Variants in ARHGAP42 observed in about 807,000 individuals in gnomAD.
ARHGAP42 encodes rho GTPase-activating protein 42.
A neutral mutation model predicts 125.0 loss-of-function variants in ARHGAP42; 63 were observed. That is an observed-to-expected ratio of 0.50 (90% CI 0.41 to 0.62). The LOEUF (loss-of-function observed/expected upper bound fraction) is 0.62. Ranked by LOEUF, ARHGAP42 falls within the 20% of genes least tolerant of loss-of-function variation. The pLI, the probability that ARHGAP42 is intolerant of heterozygous loss-of-function variation, is 0.00. For missense variants in ARHGAP42, 766 were observed against 1,024.2 expected (o/e 0.75, Z 3.44); for synonymous variants, 339 against 351.0 (o/e 0.97, Z 0.38).
chr11:100,934,314 G>A (rs1197620138), intron 7 of ARHGAP42, among the ~76,000 whole-genome samples: 3 of 151,734 alleles, frequency 2.0e-5, no homozygotes, highest in African/African-American at 4.8e-5. Context: ...GGGTGTTCAC[G>A]CATGTGTGTG....
Position 100,965,653 on chromosome 11 carries a change from A to G in ARHGAP42, c.1445-18A>G, listed in dbSNP as rs1858072017. On this transcript the variant is annotated intron_variant, in intron 16 of 23. Coordinates refer to ENST00000298815, the MANE Select transcript of ARHGAP42 (RefSeq NM_152432.4). ...TGGAATTAAAACTTGAGCATTTGCA[A>G]TCTTTTTTATGTAACAGAATCTGAT... 4.5e-6 allele frequency: 7 copies of G among 1,544,302 alleles called. No individual in the cohort carries two copies. Among genetic ancestry groups the G allele is most frequent in the East Asian group, 2.4e-5 (1 of 40,890 alleles).
intron 4 of ARHGAP42, among the ~76,000 whole-genome samples, chr11:100,906,710 T>C (rs189562192): frequency 2.0e-5 from 3 of 152,306 alleles, no homozygotes; most frequent in African/African-American, 7.2e-5. Flanking sequence ...GTTTTAAAAC[T>C]CTGTTTTCTG....
chr11:100,741,222 G>A (rs1300023777), intron 1 of ARHGAP42, among the ~76,000 whole-genome samples: 1 of 152,034 alleles, frequency 6.6e-6, no homozygotes, highest in African/African-American at 2.4e-5. Flanking sequence ...GTACAGACGG[G>A]GTTTCACCAT....
chr11:100,917,520 C>A (rs967349921), intron 5 of ARHGAP42, among the ~76,000 whole-genome samples: 3 of 152,064 alleles, frequency 2.0e-5, no homozygotes, highest in African/African-American at 7.2e-5. Context: ...TTTGCTCCTA[C>A]CTCTCATTTT....
chr11:100,755,708 T>C (rs531097998), intron 1 of ARHGAP42, among the ~76,000 whole-genome samples: 4 of 152,286 alleles, frequency 2.6e-5, no homozygotes, highest in South Asian at 4.1e-4. Flanking sequence ...GTTGAAGATA[T>C]CAGGTTGAAG....
intron 1 of ARHGAP42, among the ~76,000 whole-genome samples, chr11:100,722,069 G>GT (rs1338447253): frequency 2.1e-4 from 32 of 152,320 alleles, no homozygotes; most frequent in African/African-American, 7.7e-4. Flanking sequence ...TAAGCAATGA[G>GT]TAAGAGTTCC....
chr11:100,917,912 C>G (rs926050987), intron 5 of ARHGAP42, among the ~76,000 whole-genome samples: 1 of 152,074 alleles, frequency 6.6e-6, no homozygotes, highest in Non-Finnish European at 1.5e-5. Flanking sequence ...TTGGCTTTTT[C>G]CTTGCTTCTC....
intron 4 of ARHGAP42, among the ~76,000 whole-genome samples, chr11:100,892,083 A>T (rs1028796869): frequency 9.2e-5 from 14 of 152,314 alleles, no homozygotes; most frequent in African/African-American, 3.4e-4. Flanking sequence ...AAAGACATGG[A>T]ACTGCTACAT....
At chr11:100,897,547 G>T (rs914842500) in intron 4 of ARHGAP42, among the ~76,000 whole-genome samples, 4 of 152,030 alleles carry the variant, frequency 2.6e-5, no homozygotes, top group African/African-American at 7.2e-5. Flanking sequence ...CCTTGAAGAG[G>T]TCCTTCACAT....
At chr11:100,965,984 AAAT>A (rs1386130982) in intron 17 of ARHGAP42, among the ~76,000 whole-genome samples, 3 of 152,194 alleles carry the variant, frequency 2.0e-5, no homozygotes, top group African/African-American at 7.2e-5. Flanking sequence ...ATAATTATGC[AAAT>A]AATTATATCC....
intron 1 of ARHGAP42, among the ~76,000 whole-genome samples, chr11:100,740,962 A>G (rs188033273): frequency 6.6e-6 from 1 of 152,332 alleles, no homozygotes; most frequent in Admixed American, 6.5e-5. Flanking sequence ...GGGAAAGCAG[A>G]CAGATTTATT....
intron 19 of ARHGAP42, among the ~76,000 whole-genome samples, 199 bp downstream of exon 19, chr11:100,974,802 G>A (rs575773319): frequency 3.3e-5 from 5 of 151,818 alleles, no homozygotes; most frequent in Non-Finnish European, 7.4e-5. Flanking sequence ...GATACAAAAA[G>A]GAAAAAAAGA....
chr11:100,982,135 G>A (rs1462238719), intron 22 of ARHGAP42, among the ~76,000 whole-genome samples: 1 of 152,168 alleles, frequency 6.6e-6, no homozygotes, highest in Non-Finnish European at 1.5e-5. Context: ...TTGGGGAATG[G>A]TTTTATTTAA....
intron 2 of ARHGAP42, among the ~76,000 whole-genome samples, chr11:100,793,719 G>T (rs765186651): frequency 8.6e-4 from 131 of 151,992 alleles, no homozygotes; most frequent in Non-Finnish European, 1.6e-3. Context: ...TAAACTTCTG[G>T]TCTCACAGGA....
At position 100,961,705 on chromosome 11, in the gene ARHGAP42, T is replaced by C. The variant is rs1039662367; in HGVS notation, c.1322T>C (p.Ile441Thr). The change falls in exon 15 of 24, where the codon ATT becomes ACT. Residue 441 changes from isoleucine (I) to threonine (T), a missense_variant. Physicochemically the swap from Ile to Thr is moderately conservative, Grantham distance 89. This residue lies in a region of ARHGAP42 where 455 missense variants were observed against 636.5 expected (regional missense o/e 0.71). Coordinates refer to ENST00000298815, the MANE Select transcript of ARHGAP42 (RefSeq NM_152432.4). ...CCAGCTCCTAAATCCCCTCCTGATA[T>C]TGATATTGATATTGAACTGTGGGAC... ...TTFSPKSPPD[I>T]DIDIELWDNK... The C allele has an allele frequency of 6.4e-7, 1 of 1,550,756 alleles. No homozygotes were observed. Among genetic ancestry groups the C allele is most frequent in the South Asian group, 1.2e-5 (1 of 83,928 alleles).
intron 1 of ARHGAP42, among the ~76,000 whole-genome samples, chr11:100,720,057 G>A (rs1264310876): frequency 6.6e-6 from 1 of 152,158 alleles, no homozygotes; most frequent in Non-Finnish European, 1.5e-5. Flanking sequence ...TTGCTTTGGA[G>A]CTAGATCACT....
At chr11:100,816,209 T>A (rs572500151) in intron 3 of ARHGAP42, among the ~76,000 whole-genome samples, 97 of 152,164 alleles carry the variant, frequency 6.4e-4, no homozygotes, top group Non-Finnish European at 9.6e-4. Context: ...TATTTTTAAT[T>A]TTTTGAGGGA....
chr11:100,945,469 C>A (rs1420230936), intron 10 of ARHGAP42, among the ~76,000 whole-genome samples: 2 of 152,108 alleles, frequency 1.3e-5, no homozygotes, highest in Non-Finnish European at 2.9e-5. Flanking sequence ...TTAGAGGAAT[C>A]ACTACTTATG....
intron 4 of ARHGAP42, among the ~76,000 whole-genome samples, chr11:100,895,493 C>CCT (rs1565263603): frequency 8.1e-6 from 1 of 123,482 alleles, no homozygotes. Context: ...AAAAGAGCAA[C>CCT]TTTTTTTTTT....
Sources: allele counts gnomAD v4.1 joint callset (sites outside exome capture counted in the v4.1 genomes callset), GRCh38; gene constraint gnomAD v4.1.1; regional missense constraint gnomAD v4.1.1; transcripts MANE v1.5; gene names NCBI Gene and HGNC (gene_info 2026-07-23, HGNC 2026-07-21).